RAB12: variants seen among roughly 807,000 people sequenced by gnomAD.
The protein encoded by RAB12 is ras-related protein Rab-12.
A neutral mutation model predicts 28.4 loss-of-function variants in RAB12; 11 were observed. That is an observed-to-expected ratio of 0.39 (90% CI 0.24 to 0.64). The LOEUF is 0.64. RAB12 is among the 30% of genes least tolerant of loss of function. The probability of loss-of-function intolerance (pLI) is 0.50; values close to 1 mark genes in which losing one functional copy is unlikely to be tolerated. For synonymous variants in RAB12, 138 were observed against 145.3 expected, an observed-to-expected ratio of 0.95 and a Z score of 0.36; for missense variants, 276 against 351.1, an observed-to-expected ratio of 0.79 and a Z score of 1.71.
At chr18:8,620,437 CCCAT>C (rs2096009277) in intron 1 of RAB12, among the ~76,000 whole-genome samples, 4 of 151,988 alleles carry the variant, frequency 2.6e-5, no homozygotes, top group Admixed American at 2.6e-4. Flanking sequence ...GGATGTCTGC[CCCAT>C]CCTGTGAGGA....
chr18:8,633,024 T>G (rs1258763755), intron 2 of RAB12, 165 bp from the exon 3 acceptor site: 5 of 726,544 alleles, frequency 6.9e-6, no homozygotes, highest in South Asian at 1.8e-5. Flanking sequence ...AACCTAAATT[T>G]TTCCTACTTT....
At chr18:8,636,515 C>T (rs192576299) in intron 5 of RAB12, among the ~76,000 whole-genome samples, 158 bp downstream of exon 5, 42 of 152,310 alleles carry the variant, frequency 2.8e-4, no homozygotes, top group African/African-American at 9.4e-4. Flanking sequence ...CACAGGCACC[C>T]GGCCTGCTGT....
chr18:8,629,775 C>T (rs2096014869), intron 2 of RAB12, among the ~76,000 whole-genome samples: 1 of 152,174 alleles, frequency 6.6e-6, no homozygotes, highest in South Asian at 2.1e-4. Flanking sequence ...TTCTAGGGAC[C>T]CAGTCCCACA....
intron 1 of RAB12, 136 bp downstream of exon 1, chr18:8,610,089 C>G: frequency 6.3e-6 from 4 of 632,124 alleles, no homozygotes; most frequent in Non-Finnish European, 1.1e-5. Flanking sequence ...GGGCGGGGGT[C>G]TCCTTGGAGC....
chr18:8,625,046 G>A, intron 2 of RAB12, 48 bp downstream of exon 2: 1 of 1,182,930 alleles, frequency 8.5e-7, no homozygotes, highest in Non-Finnish European at 1.2e-6. Flanking sequence ...GTGTTTAACA[G>A]TCCATGTACT....
intron 3 of RAB12, among the ~76,000 whole-genome samples, chr18:8,634,921 T>C (rs1598314364): frequency 6.6e-6 from 1 of 152,254 alleles, no homozygotes; most frequent in East Asian, 1.9e-4. Context: ...ATTTTTAAAC[T>C]TAGAAATGTA....
intron 3 of RAB12, among the ~76,000 whole-genome samples, chr18:8,635,019 A>G (rs1249747087): frequency 3.9e-5 from 6 of 152,206 alleles, no homozygotes; most frequent in African/African-American, 1.4e-4. Context: ...TAAAGAAGAA[A>G]TCTGTACCTC....
chr18:8,618,829 T>C (rs2096008175), intron 1 of RAB12, among the ~76,000 whole-genome samples: 1 of 152,214 alleles, frequency 6.6e-6, no homozygotes, highest in Non-Finnish European at 1.5e-5. Context: ...CTTTTCCTTA[T>C]ATGGGACGAG....
At chr18:8,636,949 T>A (rs2096019292) in intron 5 of RAB12, among the ~76,000 whole-genome samples, 1 of 152,194 alleles carries the variant, frequency 6.6e-6, no homozygotes, top group Non-Finnish European at 1.5e-5. Context: ...AGTTCATACA[T>A]AATTCAGAAG....
intron 2 of RAB12, among the ~76,000 whole-genome samples, chr18:8,630,956 G>A (rs2096015619): frequency 6.6e-6 from 1 of 152,226 alleles, no homozygotes; most frequent in South Asian, 2.1e-4. Flanking sequence ...TGGCGCGATT[G>A]CAGTTAACTG....
intron 2 of RAB12, among the ~76,000 whole-genome samples, chr18:8,625,249 C>T (rs71362032): frequency 0.039 from 5,948 of 152,298 alleles, 173 homozygotes; most frequent in Middle Eastern, 0.12. Context: ...TAGTTTGGAA[C>T]CTTTTTGCCT....
chr18:8,628,866 A>C (rs2096014314), intron 2 of RAB12, among the ~76,000 whole-genome samples: 1 of 152,188 alleles, frequency 6.6e-6, no homozygotes, highest in Non-Finnish European at 1.5e-5. Flanking sequence ...AAGTCATTGA[A>C]TGTGAATGGA....
exon 6 of RAB12, chr18:8,639,381 GAAGTT>G (rs2096021146): frequency 6.6e-6 from 1 of 152,206 alleles, no homozygotes; most frequent in African/African-American, 2.4e-5. Context: ...ATTTATGAAT[GAAGTT>G]GAGTTGCCAT....
chr18:8,635,351 A>G, intron 3 of RAB12, 182 bp from the exon 4 acceptor site: 1 of 496,496 alleles, frequency 2.0e-6, no homozygotes, highest in Admixed American at 4.0e-5. Context: ...TCTTTCTAAG[A>G]CACAGTGAGC....
In RAB12 at chr18:8,609,932, G is replaced by C; in HGVS notation, c.493G>C (p.Glu165Gln). 1 of 1,608,704 alleles carries C rather than the reference G, an allele frequency of 6.2e-7. No homozygotes were observed. ...MERFTDDTFC[E>Q]ACKSTVGVDF... is the part of the protein sequence containing the mutation. ...GCGCTTCACCGACGACACCTTCTGC[G>C]AGGCCTGCAAGTCCACCGTGGGTAA... The change falls in exon 1 of 6, where the codon GAG (glutamate) becomes CAG (glutamine). Residue 165 changes from glutamate to glutamine, a missense_variant. Around this residue, in one of 4 missense-constraint regions of RAB12, gnomAD observed 76 missense variants for 117.9 expected, o/e 0.64. Coordinates refer to ENST00000649141, the MANE Select transcript of RAB12 (RefSeq NM_001025300.3).
chr18:8,619,037 T>C (rs552191973), intron 1 of RAB12, among the ~76,000 whole-genome samples: 1 of 152,350 alleles, frequency 6.6e-6, no homozygotes, highest in Admixed American at 6.5e-5. Flanking sequence ...TTTAACATTA[T>C]GTAAGATACA....
intron 1 of RAB12, among the ~76,000 whole-genome samples, chr18:8,616,843 C>T (rs1165226345): frequency 6.6e-6 from 1 of 151,952 alleles, no homozygotes; most frequent in East Asian, 1.9e-4. Flanking sequence ...GCAGGAGGAT[C>T]ACTTGAGCCA....
rs1160919510 is a variant in RAB12 at position 8,609,792 on chromosome 18, C to A, written c.353C>A (p.Pro118Gln). 4.3e-6 allele frequency: 6 copies of A among 1,391,378 alleles called. 1 individual carries two copies. The highest frequency in any genetic ancestry group is 3.4e-5 in the South Asian group (2 of 59,390). The allele number at this position is 1,391,378 out of a possible 1,614,324, so 86.2% of individuals were successfully genotyped here. The part of the protein sequence containing the change: ...GGGGGLGAGS[P>Q]ALSGGQGRRR... The stretch of plus-strand genomic sequence containing the variant: ...GGCGGCGGTCTGGGCGCGGGCTCCC[C>A]GGCGCTGTCGGGCGGCCAGGGCCGC... The change falls in exon 1 of 6, where the codon CCG (proline) becomes CAG (glutamine). Residue 118 changes from proline to glutamine, a missense_variant. Pro to Gln is a moderately conservative substitution (Grantham distance 76). Coordinates refer to ENST00000649141, the MANE Select transcript of RAB12 (RefSeq NM_001025300.3).
At chr18:8,625,780 C>T (rs1162365473) in intron 2 of RAB12, among the ~76,000 whole-genome samples, 2 of 152,332 alleles carry the variant, frequency 1.3e-5, no homozygotes, top group East Asian at 3.9e-4. Flanking sequence ...GTGTACTCAG[C>T]TTACTAACTC....
Sources: allele counts gnomAD v4.1 joint callset (sites outside exome capture counted in the v4.1 genomes callset), GRCh38; gene constraint gnomAD v4.1.1; regional missense constraint gnomAD v4.1.1; transcripts MANE v1.5; gene names NCBI Gene and HGNC (gene_info 2026-07-23, HGNC 2026-07-21).